The following NHS variants were observed in gnomAD, a reference collection of about 807,000 sequenced individuals.
NHS encodes the protein NHS actin remodeling regulator, also known as actin remodeling regulator NHS.
Under a neutral mutation model 72.5 loss-of-function variants are expected in NHS, and 5 were observed. That is an observed-to-expected ratio of 0.07 (90% confidence interval 0.04 to 0.14). The LOEUF is 0.14. Among genes scored for constraint, NHS ranks in the 10% least tolerant of loss-of-function variants. NHS has a pLI of 1.00. For synonymous variants in NHS, 464 were observed against 547.7 expected (o/e 0.85, Z 2.13); for missense variants, 1,072 against 1,355.7 (o/e 0.79, Z 3.29).
intron 1 of NHS, among the ~76,000 whole-genome samples, chrX:17,539,633 A>G (rs1222925395): frequency 9.0e-6 from 1 of 111,298 alleles, no homozygotes; most frequent in Non-Finnish European, 1.9e-5. Flanking sequence ...TCCCCAGGGA[A>G]GTTTCTCCTT....
At position 17,376,247 on chromosome X, in the gene NHS, G is replaced by A. The variant is rs776930086; in HGVS notation, c.490G>A (p.Val164Ile). 8 of 1,174,835 alleles carry A rather than the reference G, an allele frequency of 6.8e-6. No individual in the cohort carries two copies. Among genetic ancestry groups the A allele is most frequent in the Admixed American group, 4.6e-5 (2 of 43,014 alleles). The change falls in exon 1 of 9, where the codon GTC becomes ATC. Residue 164 changes from valine (V) to isoleucine (I), a missense_variant. Physicochemically the swap from Val to Ile is conservative, Grantham distance 29. Coordinates refer to ENST00000676302, the MANE Select transcript of NHS (RefSeq NM_001291867.2). ...ESDIQLTHRR[V>I]WALQGKLGGV... Reference sequence around the variant, plus strand: ...CGACATCCAGCTCACCCACCGCCGCGTCTGGGCGCTGCAGGGCAAGCTCGG... The same window carrying A: ...CGACATCCAGCTCACCCACCGCCGCATCTGGGCGCTGCAGGGCAAGCTCGG...
intron 1 of NHS, chrX:17,557,326 G>GATATATATATATATATATAT (rs61711287): frequency 7.3e-5 from 7 of 96,093 alleles, no homozygotes; most frequent in African/African-American, 2.4e-4. Flanking sequence ...GAGATTCTGT[G>GATATATATATATATATATAT]ATATATATAT....
chrX:17,619,669 G>A lies in NHS; in HGVS notation c.566-68073G>A, dbSNP rs763640072. On this transcript the variant is annotated intron_variant, in intron 1 of 8. Coordinates refer to ENST00000676302, the MANE Select transcript of NHS (RefSeq NM_001291867.2). ...CAGATGCAACTGTGGACAGTTTCTTGTAGTAAAAACTGATCATTTCAGTAA... is the reference window on the plus strand; with the variant it reads ...CAGATGCAACTGTGGACAGTTTCTTATAGTAAAAACTGATCATTTCAGTAA... Among the ~76,000 whole-genome samples the A allele has an allele frequency of 4.4e-4, 49 of 112,289 alleles. 1 individual carries two copies. Among genetic ancestry groups the A allele is most frequent in the African/African-American group, 1.4e-3 (44 of 30,747 alleles).
At chrX:17,523,194 C>T (rs1389546563) in intron 1 of NHS, among the ~76,000 whole-genome samples, 2 of 111,628 alleles carry the variant, frequency 1.8e-5, no homozygotes, top group South Asian at 7.6e-4. Flanking sequence ...GTACAGAGTG[C>T]CTGATGGCTC....
intron 1 of NHS, among the ~76,000 whole-genome samples, chrX:17,559,106 A>G (rs1422440801): frequency 8.9e-6 from 1 of 111,951 alleles, no homozygotes; most frequent in African/African-American, 3.3e-5. Context: ...GTGCAAATCT[A>G]CCTGTTTTCT....
At chrX:17,706,490 AACACACACAC>A (rs200289537) in intron 3 of NHS, among the ~76,000 whole-genome samples, 36 of 98,089 alleles carry the variant, frequency 3.7e-4, no homozygotes, top group African/African-American at 1.1e-3. Context: ...TCAAAATAGA[AACACACACAC>A]ACACACACAC....
At chrX:17,567,584 T>A (rs1269179574) in intron 1 of NHS, among the ~76,000 whole-genome samples, 1 of 110,685 alleles carries the variant, frequency 9.0e-6, no homozygotes, top group Admixed American at 9.7e-5. Context: ...GGCTTCCACC[T>A]CCCCTCCACG....
chrX:17,404,583 A>G (rs2064518927), intron 1 of NHS, among the ~76,000 whole-genome samples: 1 of 111,205 alleles, frequency 9.0e-6, no homozygotes, highest in African/African-American at 3.3e-5. Context: ...TTTCAAGACC[A>G]TATGAGCCTG....
chrX:17,553,326 C>T (rs1296169041), intron 1 of NHS, among the ~76,000 whole-genome samples: 1 of 112,795 alleles, frequency 8.9e-6, no homozygotes, highest in Non-Finnish European at 1.9e-5. Flanking sequence ...TGGTTAAGAG[C>T]CCTGAGGGCG....
intron 1 of NHS, among the ~76,000 whole-genome samples, chrX:17,515,282 C>T (rs1428521553): frequency 8.9e-6 from 1 of 111,985 alleles, no homozygotes; most frequent in African/African-American, 3.2e-5. Flanking sequence ...TCTAAATCAT[C>T]AAAGAGGGGT....
intron 1 of NHS, among the ~76,000 whole-genome samples, chrX:17,515,778 G>A (rs1247554928): frequency 2.7e-5 from 3 of 111,894 alleles, no homozygotes; most frequent in Non-Finnish European, 5.6e-5. Flanking sequence ...ATAGAGGTAT[G>A]ATTATTACCA....
At chrX:17,694,333 C>T (rs1022805332) in intron 3 of NHS, among the ~76,000 whole-genome samples, 1 of 111,966 alleles carries the variant, frequency 8.9e-6, no homozygotes, top group Admixed American at 9.5e-5. Context: ...TCCCTTAGGC[C>T]TGGATAGAAC....
rs76068353 is a variant in NHS at position 17,445,851 on chromosome X, A to C, written c.565+69529A>C. Among the ~76,000 whole-genome samples, 192 of 108,534 alleles carry C rather than the reference A, an allele frequency of 1.8e-3. 3 individuals carry two copies. Among genetic ancestry groups the C allele is most frequent in the African/African-American group, 6.0e-3 (179 of 29,845 alleles). 94.2% of individuals were successfully genotyped at this position (108,534 alleles called of 115,157 possible). The stretch of plus-strand genomic sequence containing the variant: ...ATGACAACATTTAAAAAAAAAAAAA[A>C]AACAACAACTCAAAGATAGAGCCTA... On this transcript the variant is annotated intron_variant, in intron 1 of 8. Coordinates refer to ENST00000676302, the MANE Select transcript of NHS (RefSeq NM_001291867.2).
intron 1 of NHS, among the ~76,000 whole-genome samples, chrX:17,520,561 T>A (rs1370978879): frequency 8.9e-6 from 1 of 112,087 alleles, no homozygotes; most frequent in Non-Finnish European, 1.9e-5. Context: ...AAGGGCATCA[T>A]GCTTATTGTC....
chrX:17,504,654 G>A (rs1025185054), intron 1 of NHS, among the ~76,000 whole-genome samples: 2 of 111,763 alleles, frequency 1.8e-5, no homozygotes, highest in Non-Finnish European at 3.8e-5. Flanking sequence ...AGACAAGGAT[G>A]TTCAGGAGAG....
chrX:17,679,026 A>T (rs1251127154), intron 1 of NHS, among the ~76,000 whole-genome samples: 1 of 111,162 alleles, frequency 9.0e-6, no homozygotes, highest in Admixed American at 9.6e-5. Context: ...CCAAGTTTGT[A>T]CTGCACCTGA....
intron 1 of NHS, among the ~76,000 whole-genome samples, chrX:17,517,409 T>C (rs1157937069): frequency 1.8e-5 from 2 of 112,450 alleles, no homozygotes; most frequent in Non-Finnish European, 3.8e-5. Flanking sequence ...ATCACTGGAT[T>C]AAATGATCTG....
At chrX:17,388,623 C>T (rs2064422945) in intron 1 of NHS, among the ~76,000 whole-genome samples, 1 of 107,978 alleles carries the variant, frequency 9.3e-6, no homozygotes, top group Non-Finnish European at 1.9e-5. Context: ...GGATAAGAGG[C>T]CAGCAAGGAG....
intron 1 of NHS, among the ~76,000 whole-genome samples, chrX:17,662,095 T>C (rs1244880701): frequency 9.0e-6 from 1 of 111,673 alleles, no homozygotes; most frequent in Admixed American, 9.5e-5. Context: ...AATTTCTGTC[T>C]CAAAGCTTAC....
Sources: allele counts gnomAD v4.1 joint callset (sites outside exome capture counted in the v4.1 genomes callset), GRCh38; gene constraint gnomAD v4.1.1; transcripts MANE v1.5; gene names NCBI Gene and HGNC (gene_info 2026-07-23, HGNC 2026-07-21).